UBR2: variants seen among roughly 807,000 people sequenced by gnomAD.
UBR2 encodes the protein ubiquitin protein ligase E3 component n-recognin 2, also known as E3 ubiquitin-protein ligase UBR2.
Under a neutral mutation model 247.9 loss-of-function variants are expected in UBR2, and 92 were observed. The observed-to-expected ratio is 0.37, with a 90% CI of 0.31 to 0.44. UBR2 has a LOEUF of 0.44. UBR2 is among the 20% of genes least tolerant of loss of function. UBR2 has a pLI of 1.00. For synonymous variants in UBR2, 672 were observed against 693.5 expected (o/e 0.97, Z 0.49); for missense variants, 1,613 against 2,112.6 (o/e 0.76, Z 4.64).
At position 42,670,266 on chromosome 6, in the gene UBR2, A is replaced by G. The variant is rs758013725; in HGVS notation, c.4030+26A>G. 2.6e-5 allele frequency: 41 copies of G among 1,605,856 alleles called. 1 individual carries two copies. The highest frequency in any genetic ancestry group is 9.9e-5 in the South Asian group (9 of 90,664). ...GTAAGAGATTTACAGCTGTTTCTCT[A>G]TAAGTCACAAGCATTCATTGATATG... is the stretch of plus-strand genomic sequence containing the variant. On this transcript the variant is annotated intron_variant, in intron 35 of 46. Transcript: ENST00000372901.
At chr6:42,571,849 G>A (rs1418717844) in intron 1 of UBR2, among the ~76,000 whole-genome samples, 1 of 151,472 alleles carries the variant, frequency 6.6e-6, no homozygotes, top group Non-Finnish European at 1.5e-5. Flanking sequence ...AGGCCAAAAC[G>A]AGGTCTTTTA....
chr6:42,632,958 C>CTTTTTTTTTTTTTTTTTTTTTTTTTT (rs34284200), intron 13 of UBR2, 54 bp downstream of exon 13: 4 of 610,588 alleles, frequency 6.6e-6, no homozygotes, highest in Non-Finnish European at 9.1e-6. Context: ...TCTCTTTTCT[C>CTTTTTTTTTTTTTTTTTTTTTTTTTT]TTTTTTTTTT....
chr6:42,608,246 A>C (rs1793842441), intron 7 of UBR2, among the ~76,000 whole-genome samples: 1 of 152,154 alleles, frequency 6.6e-6, no homozygotes, highest in Non-Finnish European at 1.5e-5. Flanking sequence ...GTACTAATAT[A>C]CTTTCCCACC....
intron 2 of UBR2, among the ~76,000 whole-genome samples, chr6:42,578,600 G>GT (rs1010737096): frequency 2.6e-5 from 4 of 151,688 alleles, no homozygotes; most frequent in East Asian, 1.9e-4. Flanking sequence ...TATGTGTGAG[G>GT]TTTTTTTTAA....
At chr6:42,572,026 A>G (rs984481938) in intron 1 of UBR2, among the ~76,000 whole-genome samples, 1 of 152,158 alleles carries the variant, frequency 6.6e-6, no homozygotes, top group East Asian at 1.9e-4. Context: ...TTGTCTCCTA[A>G]GAAATGATGC....
At position 42,689,711 on chromosome 6, in the gene UBR2, C is replaced by T. The variant is rs772524010; in HGVS notation, c.5126+41C>T. The T allele has an allele frequency of 1.7e-5, 27 of 1,552,502 alleles. No individual in the cohort carries two copies. The highest frequency in any genetic ancestry group is 6.8e-5 in the East Asian group (3 of 44,398). On this transcript the variant is annotated intron_variant, in intron 46 of 46. Transcript: ENST00000372901. The surrounding 1 kb of genome is among the most constrained non-coding windows in gnomAD (Gnocchi z 4.0). ...GAGTTAGCTAACTCAGGGCCTGCAG[C>T]GCCCTTCCGTATGTGGTGACGTCCT...
chr6:42,570,074 C>T (rs1228232640), intron 1 of UBR2, among the ~76,000 whole-genome samples: 1 of 151,946 alleles, frequency 6.6e-6, no homozygotes, highest in African/African-American at 2.4e-5. Context: ...ATATGAAAAG[C>T]TATAGATTTT....
At chr6:42,614,336 G>A (rs1338221550) in intron 8 of UBR2, among the ~76,000 whole-genome samples, 6 of 127,422 alleles carry the variant, frequency 4.7e-5, no homozygotes, top group Non-Finnish European at 8.3e-5. Flanking sequence ...GTGTATATGT[G>A]TATGTGTGTA....
rs572673193 is a variant in UBR2, at chr6:42,630,224, G to C, written c.1282-2328G>C. On this transcript the variant is annotated intron_variant, in intron 11 of 46. Transcript: ENST00000372901. ...TTAATTGAGAGAGTCTTGCTCTGTC[G>C]CCTAGGCTGGAGTGCAATGGCATGA... Among the ~76,000 whole-genome samples the C allele has an allele frequency of 3.4e-5, 5 of 148,520 alleles. 1 individual carries two copies. Among genetic ancestry groups the C allele is most frequent in the African/African-American group, 1.2e-4 (5 of 40,168 alleles).
rs1182861527 is a variant in UBR2, at chr6:42,659,558, CACACT to C, written c.3243-93_3243-89del. ...ACACACACACACACACACACACACACACACTACACACACACACACATACCTGTAGT... is the reference window on the plus strand; with the variant it reads ...ACACACACACACACACACACACACACACACACACACACACATACCTGTAGT... On this transcript the variant is annotated intron_variant, in intron 29 of 46. Coordinates refer to ENST00000372901, the MANE Select transcript of UBR2 (RefSeq NM_001363705.2). The surrounding 1 kb of genome is among the most constrained non-coding windows in gnomAD (Gnocchi z 4.3). 4.5e-4 allele frequency: 334 copies of C among 736,402 alleles called. No individual in the cohort carries two copies. The highest frequency in any genetic ancestry group is 4.5e-3 in the African/African-American group (233 of 51,972). 45.6% of individuals were successfully genotyped at this position (736,402 alleles called of 1,614,324 possible).
intron 44 of UBR2, among the ~76,000 whole-genome samples, chr6:42,685,257 G>A (rs1402238361): frequency 6.6e-6 from 1 of 152,120 alleles, no homozygotes; most frequent in East Asian, 1.9e-4. Flanking sequence ...GTTGTAGTGA[G>A]CCAAGATTGA....
At chr6:42,615,908 CA>C in intron 9 of UBR2, 93 bp from the exon 10 acceptor site, 1 of 986,180 alleles carries the variant, frequency 1.0e-6, no homozygotes, top group Non-Finnish European at 1.5e-6. Context: ...AAAAACAAAA[CA>C]AAACAAAAAA....
Position 42,684,849 on chromosome 6 carries a change from A to G in UBR2, c.4831A>G (p.Ile1611Val). 3 of 1,612,948 alleles carry G rather than the reference A, an allele frequency of 1.9e-6. No individual in the cohort carries two copies. Among genetic ancestry groups the G allele is most frequent in the Non-Finnish European group, 2.5e-6 (3 of 1,179,336 alleles). Residue 1611 changes from isoleucine (I) to valine (V), a missense_variant, in exon 44 of 47, where the codon ATT (isoleucine) becomes GTT (valine). This residue lies in a region of UBR2 where 1,524 missense variants were observed against 1,967.3 expected (regional missense o/e 0.77). Transcript: ENST00000372901. Reference protein sequence around the residue: ...INLPEDYSSLINQASNFSCPK... With the variant: ...INLPEDYSSLVNQASNFSCPK... Reference sequence around the variant, plus strand: ...CCTTCCAGAGGATTACAGCAGCCTCATTAATCAAGCATCCAATTTCTCGTA... The same window carrying G: ...CCTTCCAGAGGATTACAGCAGCCTCGTTAATCAAGCATCCAATTTCTCGTA...
chr6:42,645,623 A>G lies in UBR2; in HGVS notation c.2409+33A>G, dbSNP rs749260922. ...CCTACATTTCTAAAAAGAAAACCAT[A>G]GAAACTTTTCCCTGCCTATCAGTCT... On this transcript the variant is annotated intron_variant, in intron 21 of 46. Coordinates refer to ENST00000372901, the MANE Select transcript of UBR2 (RefSeq NM_001363705.2). 15 of 1,604,972 alleles carry G rather than the reference A, an allele frequency of 9.3e-6. No individual in the cohort carries two copies. In the South Asian group the frequency reaches 1.4e-4, roughly 15 times the overall value.
In UBR2 at chr6:42,592,200, G is replaced by A. The variant is rs1402787631; in HGVS notation, c.388G>A (p.Gly130Arg). ...TCVLCMECFL[G>R]SIHRDHRYRM... ...TGTTTTGTGCATGGAGTGCTTTTTG[G>A]GAAGTATTCACAGAGATCATCGATA... Residue 130 changes from glycine (G) to arginine (R), a missense_variant, in exon 3 of 47, where the codon GGA (glycine) becomes AGA (arginine). By Grantham distance (125) the Gly-to-Arg change is moderately radical. This residue lies in a region of UBR2 where 1,524 missense variants were observed against 1,967.3 expected (regional missense o/e 0.77). Transcript: ENST00000372901. The A allele has an allele frequency of 6.3e-7, 1 of 1,597,638 alleles. No individual in the cohort carries two copies. Among genetic ancestry groups the A allele is most frequent in the Non-Finnish European group, 8.5e-7 (1 of 1,175,410 alleles).
Position 42,692,001 on chromosome 6 carries a change from GGTT to G in UBR2, c.*832_*834del, listed in dbSNP as rs1476285651. 1 of 151,984 alleles carries G rather than the reference GGTT, an allele frequency of 6.6e-6. No individual in the cohort carries two copies. Among genetic ancestry groups the G allele is most frequent in the African/African-American group, 2.4e-5 (1 of 41,384 alleles). The allele number at this position is 151,984 out of a possible 1,614,324, so 9.4% of individuals were successfully genotyped here. A position where few individuals can be genotyped will look rare whatever the true frequency, so the allele number is the denominator to read the frequency against. The stretch of plus-strand genomic sequence containing the variant: ...TGAGAGGCCTTCCTTCATAAGATCT[GGTT>G]GTTTGGGCTGTGGTTGGCATAAGTG... On this transcript the variant is annotated 3_prime_UTR_variant, in exon 47 of 47. Transcript: ENST00000372901.
Position 42,683,044 on chromosome 6 carries a change from T to C in UBR2, c.4719-11T>C. 6.2e-7 allele frequency: 1 copy of C among 1,611,752 alleles called. No individual in the cohort carries two copies. Among genetic ancestry groups the C allele is most frequent in the Non-Finnish European group, 8.5e-7 (1 of 1,179,092 alleles). ...GTGTTTTGTGTTTTTCCCCCTCTGT[T>C]TACATTAAAGTTGGTGCCGTAACAG... On this transcript the variant is annotated splice_polypyrimidine_tract_variant and intron_variant, in intron 42 of 46. Coordinates refer to ENST00000372901, the MANE Select transcript of UBR2 (RefSeq NM_001363705.2).
At chr6:42,606,495 A>G in intron 6 of UBR2, 94 bp from the exon 7 acceptor site, 1 of 1,097,440 alleles carries the variant, frequency 9.1e-7, no homozygotes, top group Non-Finnish European at 1.3e-6. Context: ...ATTGATCAGA[A>G]TTGTTATATG....
At chr6:42,594,358 AAT>A in intron 4 of UBR2, 54 bp downstream of exon 4, 1 of 1,385,458 alleles carries the variant, frequency 7.2e-7, no homozygotes, top group Non-Finnish European at 1.0e-6. Context: ...TATTTTGAGA[AAT>A]AGTCATTAGA....
Sources: allele counts gnomAD v4.1 joint callset (sites outside exome capture counted in the v4.1 genomes callset), GRCh38; gene constraint gnomAD v4.1.1; regional missense constraint gnomAD v4.1.1; non-coding constraint Gnocchi (gnomAD v3.1); transcripts MANE v1.5; gene names NCBI Gene and HGNC (gene_info 2026-07-23, HGNC 2026-07-21).